Variants in NAV1 observed in about 807,000 individuals in gnomAD.
NAV1 encodes neuron navigator 1.
Under a neutral mutation model 175.2 loss-of-function variants are expected in NAV1, and 18 were observed. That is an observed-to-expected ratio of 0.10 (90% CI 0.07 to 0.15). The LOEUF (loss-of-function observed/expected upper bound fraction) is 0.15, where lower values mean the gene tolerates loss of function less well. NAV1 is among the 10% of genes least tolerant of loss of function. NAV1 has a pLI of 1.00. For synonymous variants in NAV1, 897 were observed against 978.7 expected (o/e 0.92, Z 1.56); for missense variants, 1,731 against 2,436.6 (o/e 0.71, Z 6.10).
chr1:201,810,208 GTA>G lies in NAV1; in HGVS notation c.4561+106_4561+107del. On this transcript the variant is annotated intron_variant, in intron 23 of 29. Coordinates refer to ENST00000367296, the Ensembl canonical transcript of NAV1. The surrounding 1 kb of genome is among the most constrained non-coding windows in gnomAD (Gnocchi z 6.0). ...CATTCACCAAGAACTCACTGAGAAG[GTA>G]TAATATGAAGATGCTTAAGTAATGT... 1 of 1,448,022 alleles carries G rather than the reference GTA, an allele frequency of 6.9e-7. No individual in the cohort carries two copies. The allele number at this position is 1,448,022 out of a possible 1,614,324, so 89.7% of individuals were successfully genotyped here.
At chr1:201,766,819 T>C (rs1310692875) in intron 3 of NAV1, among the ~76,000 whole-genome samples, 1 of 152,118 alleles carries the variant, frequency 6.6e-6, no homozygotes, top group Non-Finnish European at 1.5e-5. Flanking sequence ...ATACTTTTTT[T>C]GTTTTTTTGG....
intron 1 of NAV1, among the ~76,000 whole-genome samples, chr1:201,628,990 G>T (rs1668413030): frequency 6.6e-6 from 1 of 152,196 alleles, no homozygotes; most frequent in African/African-American, 2.4e-5. Flanking sequence ...CAGCTTCAGA[G>T]GGAGCTCTTC....
chr1:201,774,209 A>T (rs1675784321), intron 3 of NAV1, among the ~76,000 whole-genome samples: 1 of 152,220 alleles, frequency 6.6e-6, no homozygotes, highest in African/African-American at 2.4e-5. Context: ...TCCAGCTTAG[A>T]GTGAGCAAAG....
At chr1:201,727,786 A>T (rs984199784) in intron 3 of NAV1, among the ~76,000 whole-genome samples, 1 of 152,140 alleles carries the variant, frequency 6.6e-6, no homozygotes, top group African/African-American at 2.4e-5. Context: ...CGTGGAATAC[A>T]CCTCAGTGTT....
At chr1:201,575,476 G>A (rs1238700942) in intron 1 of NAV1, among the ~76,000 whole-genome samples, 1 of 152,152 alleles carries the variant, frequency 6.6e-6, no homozygotes, top group African/African-American at 2.4e-5. Flanking sequence ...ACTGGAGTTG[G>A]CAGATCTTGT....
chr1:201,782,577 G>C lies in NAV1; in HGVS notation c.2065G>C (p.Gly689Arg), dbSNP rs763873134. 1.9e-6 allele frequency: 3 copies of C among 1,612,168 alleles called. No homozygotes were observed. The African/African-American group carries it at 4.0e-5, about 22-fold the overall frequency. ...TTCTATGAGCGTGACCGGCGGGCGGGGTGGACCTCGCCCTGTGAGCAGCAG... is the reference window on the plus strand; with the variant it reads ...TTCTATGAGCGTGACCGGCGGGCGGCGTGGACCTCGCCCTGTGAGCAGCAG... The change falls in exon 6 of 30, where the codon GGT (glycine) becomes CGT (arginine). Residue 689 changes from glycine (G) to arginine (R), a missense_variant. Gly to Arg is a moderately radical substitution (Grantham distance 125). This residue lies in a region of NAV1 where 634 missense variants were observed against 766.8 expected (regional missense o/e 0.83). Transcript: ENST00000367296. This position sits in a 1 kb window ranked among gnomAD's most constrained non-coding sequence, Gnocchi z 5.4.
intron 1 of NAV1, among the ~76,000 whole-genome samples, chr1:201,562,016 T>G (rs1017401753): frequency 6.6e-6 from 1 of 152,126 alleles, no homozygotes; most frequent in Non-Finnish European, 1.5e-5. Flanking sequence ...ATTTTTCGGT[T>G]TTTTTAGAGA....
At chr1:201,577,195 G>C (rs1011526085) in intron 1 of NAV1, among the ~76,000 whole-genome samples, 1 of 152,124 alleles carries the variant, frequency 6.6e-6, no homozygotes, top group Non-Finnish European at 1.5e-5. Context: ...ATAAGTGCTG[G>C]TTCTTTGCTG....
chr1:201,572,975 A>G (rs1666591262), intron 1 of NAV1, among the ~76,000 whole-genome samples: 3 of 147,618 alleles, frequency 2.0e-5, no homozygotes, highest in Non-Finnish European at 4.5e-5. Flanking sequence ...CTCACCTTCT[A>G]GAAGCCTGAG....
intron 1 of NAV1, among the ~76,000 whole-genome samples, chr1:201,675,031 C>CAA (rs35348125): frequency 0.014 from 1,172 of 84,218 alleles, 19 homozygotes; most frequent in African/African-American, 0.044. Context: ...GACTCTGTCT[C>CAA]AAAAAAAAAA....
chr1:201,662,569 A>G (rs1240079478), intron 1 of NAV1, among the ~76,000 whole-genome samples: 1 of 152,192 alleles, frequency 6.6e-6, no homozygotes, highest in Non-Finnish European at 1.5e-5. Flanking sequence ...GGCTGTCCGT[A>G]GCCCTCTTTG....
At chr1:201,640,161 C>T (rs1258271288) in intron 2 of NAV1, among the ~76,000 whole-genome samples, 2 of 152,184 alleles carry the variant, frequency 1.3e-5, no homozygotes, top group Non-Finnish European at 2.9e-5. Context: ...AAATCTCTCT[C>T]TGGAGCCCAC....
At chr1:201,617,274 C>T (rs919942335) in intron 2 of NAV1, among the ~76,000 whole-genome samples, 15 of 152,126 alleles carry the variant, frequency 9.9e-5, no homozygotes, top group African/African-American at 3.4e-4. Flanking sequence ...TAAACACACA[C>T]ACACACTCCC....
At chr1:201,770,312 T>C (rs547897184) in intron 3 of NAV1, among the ~76,000 whole-genome samples, 1 of 152,106 alleles carries the variant, frequency 6.6e-6, no homozygotes, top group East Asian at 1.9e-4. Flanking sequence ...ACAGAGGAGA[T>C]GGATGCATCA....
chr1:201,642,697 TC>T (rs1668833575), intron 2 of NAV1, among the ~76,000 whole-genome samples: 1 of 52,770 alleles, frequency 1.9e-5, no homozygotes, highest in Non-Finnish European at 5.1e-5. Context: ...CCCTTTCTTC[TC>T]TCTCTTTCTT....
At chr1:201,591,457 G>A (rs1354634814) in intron 2 of NAV1, among the ~76,000 whole-genome samples, 1 of 152,158 alleles carries the variant, frequency 6.6e-6, no homozygotes, top group African/African-American at 2.4e-5. Flanking sequence ...CCTTTGAGTA[G>A]CCCCAGGTGC....
chr1:201,626,829 C>T (rs1668343365), intron 1 of NAV1, among the ~76,000 whole-genome samples: 1 of 152,220 alleles, frequency 6.6e-6, no homozygotes, highest in Admixed American at 6.5e-5. Context: ...CTGGTTCAAC[C>T]TCTGCCTGAC....
intron 1 of NAV1, among the ~76,000 whole-genome samples, chr1:201,711,161 G>C (rs911955949): frequency 6.6e-6 from 1 of 152,254 alleles, no homozygotes; most frequent in African/African-American, 2.4e-5. Flanking sequence ...CAGGACTGGG[G>C]ATAGAGCTTA....
chr1:201,699,173 T>C (rs1671308497), intron 1 of NAV1, among the ~76,000 whole-genome samples: 1 of 152,224 alleles, frequency 6.6e-6, no homozygotes, highest in African/African-American at 2.4e-5. Context: ...GATGACATGA[T>C]TGTATATTTA....
Sources: allele counts gnomAD v4.1 joint callset (sites outside exome capture counted in the v4.1 genomes callset), GRCh38; gene constraint gnomAD v4.1.1; regional missense constraint gnomAD v4.1.1; non-coding constraint Gnocchi (gnomAD v3.1); transcripts MANE v1.5; gene names NCBI Gene and HGNC (gene_info 2026-07-23, HGNC 2026-07-21).